The following VWF variants were observed in gnomAD, a reference collection of about 807,000 sequenced individuals.
VWF encodes the protein Factor VIII related antigen.
VWF carries 176 observed loss-of-function variants against 308.6 expected under a neutral mutation model. The observed-to-expected ratio is 0.57, with a 90% CI of 0.50 to 0.65. VWF has a LOEUF of 0.65. Ranked by LOEUF, VWF falls within the 30% of genes least tolerant of loss-of-function variation. The pLI, the probability that VWF is intolerant of heterozygous loss-of-function variation, is 0.00. For missense variants in VWF, 3,146 were observed against 3,648.2 expected (o/e 0.86, Z 3.55); for synonymous variants, 1,385 against 1,443.4 (o/e 0.96, Z 0.92).
chr12:6,056,709 G>T, intron 15 of VWF, 148 bp downstream of exon 15: 1 of 646,854 alleles, frequency 1.5e-6, no homozygotes, highest in Non-Finnish European at 2.3e-6. Flanking sequence ...AAAAGTGGGT[G>T]CAAATGAACC....
chr12:5,958,257 C>T (rs1943271787), intron 47 of VWF, among the ~76,000 whole-genome samples: 1 of 152,208 alleles, frequency 6.6e-6, no homozygotes, highest in Non-Finnish European at 1.5e-5. Context: ...TGGAGATTGT[C>T]ACCTTTAGAT....
At chr12:5,976,408 T>A in intron 42 of VWF, 148 bp from the exon 43 acceptor site, 1 of 1,027,044 alleles carries the variant, frequency 9.7e-7, no homozygotes, top group South Asian at 1.4e-5. Flanking sequence ...GCAGGGCTGC[T>A]TATAAAGCAG....
chr12:5,982,089 G>T, intron 41 of VWF, 98 bp from the exon 42 acceptor site: 3 of 1,171,630 alleles, frequency 2.6e-6, no homozygotes, highest in South Asian at 1.3e-5. Flanking sequence ...AGACTCAGAA[G>T]ATTAAGTCAG....
intron 38 of VWF, among the ~76,000 whole-genome samples, chr12:5,988,230 G>C (rs1035448827): frequency 3.3e-5 from 5 of 152,174 alleles, no homozygotes; most frequent in African/African-American, 1.2e-4. Context: ...GAAGACAATG[G>C]AGGAGGCCCT....
intron 6 of VWF, among the ~76,000 whole-genome samples, chr12:6,091,768 A>C (rs948657851): frequency 5.9e-5 from 9 of 152,202 alleles, no homozygotes; most frequent in Non-Finnish European, 1.2e-4. Flanking sequence ...ACTCCCCAAG[A>C]GAAACACAAG....
intron 47 of VWF, among the ~76,000 whole-genome samples, chr12:5,956,343 T>C (rs1270226998): frequency 1.3e-5 from 2 of 152,172 alleles, no homozygotes; most frequent in African/African-American, 2.4e-5. Flanking sequence ...GAAGAAGGCA[T>C]TGTTATCACA....
At chr12:6,113,103 C>T (rs577869758) in intron 3 of VWF, among the ~76,000 whole-genome samples, 1 of 152,178 alleles carries the variant, frequency 6.6e-6, no homozygotes, top group Non-Finnish European at 1.5e-5. Context: ...ATCAACACAA[C>T]TGGGAGAAAA....
chr12:6,117,881 G>A (rs928227848), intron 3 of VWF, among the ~76,000 whole-genome samples: 2 of 152,238 alleles, frequency 1.3e-5, no homozygotes, highest in Admixed American at 6.5e-5. Flanking sequence ...ACTCAGTGAA[G>A]AGGGAGAGCA....
chr12:5,999,854 T>C (rs934770064), intron 34 of VWF, among the ~76,000 whole-genome samples: 8 of 150,854 alleles, frequency 5.3e-5, no homozygotes, highest in African/African-American at 1.7e-4. Context: ...GTGAACTTGG[T>C]GGGGGTGGGT....
At chr12:5,978,555 C>T (rs779430412) in intron 42 of VWF, among the ~76,000 whole-genome samples, 51 of 152,170 alleles carry the variant, frequency 3.4e-4, no homozygotes, top group Non-Finnish European at 6.8e-4. Context: ...AGTTTTGAAA[C>T]TATTACAGGT....
At chr12:6,089,718 T>C (rs1945010312) in intron 6 of VWF, among the ~76,000 whole-genome samples, 1 of 152,142 alleles carries the variant, frequency 6.6e-6, no homozygotes, top group African/African-American at 2.4e-5. Flanking sequence ...GTACTTACTC[T>C]GCACTGGGCT....
intron 6 of VWF, among the ~76,000 whole-genome samples, chr12:6,078,879 C>T (rs1470033292): frequency 6.6e-6 from 1 of 152,178 alleles, no homozygotes; most frequent in African/African-American, 2.4e-5. Flanking sequence ...TACTCCAGCA[C>T]ATTTCCTGGG....
intron 47 of VWF, among the ~76,000 whole-genome samples, chr12:5,964,475 G>C (rs1943375654): frequency 6.6e-6 from 1 of 152,138 alleles, no homozygotes; most frequent in Admixed American, 6.5e-5. Flanking sequence ...ATTTAGCTTT[G>C]TGAGAAACCA....
chr12:6,101,346 TACAC>T (rs906345485), intron 5 of VWF, among the ~76,000 whole-genome samples: 2 of 151,178 alleles, frequency 1.3e-5, no homozygotes, highest in Non-Finnish European at 2.9e-5. Context: ...TGGGAAGAGA[TACAC>T]ACAATCAATT....
At chr12:6,108,338 C>CACACACACAG (rs1426597033) in intron 5 of VWF, among the ~76,000 whole-genome samples, 1 of 122,488 alleles carries the variant, frequency 8.2e-6, no homozygotes, top group Non-Finnish European at 1.6e-5. Flanking sequence ...AATATATACA[C>CACACACACAG]ACACACACAC....
chr12:5,996,295 G>A lies in VWF; in HGVS notation c.5843-73C>T, dbSNP rs559274842. 6 of 1,390,978 alleles carry A rather than the reference G, an allele frequency of 4.3e-6. No homozygotes were observed. The South Asian group carries it at 5.0e-5, about 11-fold the overall frequency. The allele number at this position is 1,390,978 out of a possible 1,614,324, so 86.2% of individuals were successfully genotyped here. On this transcript the variant is annotated intron_variant, in intron 34 of 51. Transcript: ENST00000261405. The stretch of plus-strand genomic sequence containing the variant: ...ATGCCTACTACATGCAGACAGGCAG[G>A]TGTGACCAAGTTGCACACAGATAAA...
At chr12:5,979,677 G>C (rs1943572192) in intron 42 of VWF, among the ~76,000 whole-genome samples, 1 of 151,462 alleles carries the variant, frequency 6.6e-6, no homozygotes, top group African/African-American at 2.4e-5. Flanking sequence ...TTGAACCAGG[G>C]AGTACGAGGC....
At chr12:6,025,759 G>A (rs1484141268) in intron 23 of VWF, 66 bp from the exon 24 acceptor site, 90 of 1,475,714 alleles carry the variant, frequency 6.1e-5, no homozygotes, top group Non-Finnish European at 2.2e-5. Context: ...AGCCCAGAAG[G>A]ATCCAAGAGA....
intron 16 of VWF, among the ~76,000 whole-genome samples, chr12:6,051,101 T>C (rs1944504521): frequency 3.3e-5 from 5 of 152,202 alleles, no homozygotes; most frequent in Admixed American, 3.3e-4. Context: ...GGTGAAATGA[T>C]GTAATATTTA....
Sources: gnomAD v4.1 joint callset for allele counts (sites outside exome capture counted in the v4.1 genomes callset) on GRCh38, gnomAD v4.1.1 for gene constraint, MANE v1.5 for transcripts, NCBI Gene and HGNC (gene_info 2026-07-23, HGNC 2026-07-21) for gene names.